UQCC1: variants seen among roughly 807,000 people sequenced by gnomAD.
UQCC1 encodes ubiquinol-cytochrome c reductase complex assembly factor 1.
Under a neutral mutation model 48.0 loss-of-function variants are expected in UQCC1, and 38 were observed. That is an observed-to-expected ratio of 0.79 (90% CI 0.61 to 1.04). The LOEUF is 1.04. Ranked by LOEUF, UQCC1 falls within the 50% of genes least tolerant of loss-of-function variation. UQCC1 has a pLI of 0.00. For synonymous variants in UQCC1, 111 were observed against 129.2 expected, an observed-to-expected ratio of 0.86 and a Z score of 0.95; for missense variants, 368 against 381.8, an observed-to-expected ratio of 0.96 and a Z score of 0.30.
chr20:35,317,372 TA>T (rs2146315453), intron 7 of UQCC1, among the ~76,000 whole-genome samples: 1 of 152,366 alleles, frequency 6.6e-6, no homozygotes, highest in South Asian at 2.1e-4. Context: ...TTATAAGTAA[TA>T]ACTTCTGGTT....
intron 7 of UQCC1, among the ~76,000 whole-genome samples, chr20:35,331,518 CA>C (rs1250173511): frequency 6.6e-6 from 1 of 152,060 alleles, no homozygotes; most frequent in Non-Finnish European, 1.5e-5. Flanking sequence ...GCAAAAACAC[CA>C]TTAATTTCTC....
Position 35,366,611 on chromosome 20 carries a change from C to T in UQCC1, c.410G>A (p.Cys137Tyr), listed in dbSNP as rs142809196. Reference protein sequence around the residue: ...KTDFEEFFLRCQMPDTFNSWF... With the variant: ...KTDFEEFFLRYQMPDTFNSWF... ...TGAATTGAATGTATCAGGCATCTGA[C>T]ACCCTAGAAAATAACAATAAGGTAT... The change falls in exon 6 of 10, where the codon TGT becomes TAT. Residue 137 changes from cysteine (C) to tyrosine (Y), a missense_variant. By Grantham distance (194) the Cys-to-Tyr change is radical. Transcript: ENST00000374385. 3.7e-6 allele frequency: 6 copies of T among 1,613,218 alleles called. No individual in the cohort carries two copies. The highest frequency in any genetic ancestry group is 5.1e-6 in the Non-Finnish European group (6 of 1,179,392).
intron 7 of UQCC1, chr20:35,345,681 C>A (rs1315096591): frequency 6.6e-6 from 1 of 152,110 alleles, no homozygotes; most frequent in African/African-American, 2.4e-5. Flanking sequence ...AAAAAGGTTA[C>A]TTCTGGGGAG....
At chr20:35,408,458 CA>C (rs1304272421) in intron 1 of UQCC1, among the ~76,000 whole-genome samples, 1 of 152,120 alleles carries the variant, frequency 6.6e-6, no homozygotes, top group Non-Finnish European at 1.5e-5. Context: ...CAGAAAATAA[CA>C]AGTGTTGGCA....
At chr20:35,381,488 A>G (rs1360453012) in intron 4 of UQCC1, among the ~76,000 whole-genome samples, 1 of 152,212 alleles carries the variant, frequency 6.6e-6, no homozygotes, top group African/African-American at 2.4e-5. Context: ...CATGTTGTAT[A>G]GATCTGACTG....
chr20:35,348,169 A>G (rs1024784758), intron 6 of UQCC1, among the ~76,000 whole-genome samples: 1 of 152,212 alleles, frequency 6.6e-6, no homozygotes, highest in Non-Finnish European at 1.5e-5. Flanking sequence ...AAATGAACAA[A>G]CACCTATGGT....
intron 1 of UQCC1, 44 bp downstream of exon 1, chr20:35,411,896 C>A (rs1283097487): frequency 1.9e-6 from 3 of 1,613,866 alleles, no homozygotes; most frequent in African/African-American, 2.7e-5. Context: ...GAACTCCAAC[C>A]CGGGACCCAG....
intron 6 of UQCC1, among the ~76,000 whole-genome samples, chr20:35,349,487 C>G (rs940036971): frequency 1.3e-5 from 2 of 152,124 alleles, no homozygotes; most frequent in Non-Finnish European, 2.9e-5. Flanking sequence ...ATTTTAGATA[C>G]AGTAATGCAA....
intron 8 of UQCC1, among the ~76,000 whole-genome samples, chr20:35,309,924 G>C (rs746573484): frequency 6.6e-6 from 1 of 152,216 alleles, no homozygotes; most frequent in Non-Finnish European, 1.5e-5. Context: ...CAGCAGCACA[G>C]AGTAAAATCC....
intron 8 of UQCC1, among the ~76,000 whole-genome samples, chr20:35,308,235 G>A (rs1229361359): frequency 6.6e-6 from 1 of 152,216 alleles, no homozygotes; most frequent in South Asian, 2.1e-4. Context: ...CCCTCCTTAC[G>A]GTTCCACAGC....
At chr20:35,399,338 C>A (rs1012111443) in intron 1 of UQCC1, among the ~76,000 whole-genome samples, 1 of 152,186 alleles carries the variant, frequency 6.6e-6, no homozygotes, top group Admixed American at 6.5e-5. Flanking sequence ...TTCCAAGGAC[C>A]TCTTTATTGA....
intron 1 of UQCC1, among the ~76,000 whole-genome samples, chr20:35,402,514 C>T (rs1292794306): frequency 1.3e-5 from 2 of 150,008 alleles, no homozygotes; most frequent in Non-Finnish European, 3.0e-5. Flanking sequence ...GGAGGCGGAG[C>T]TTGCAGTGAG....
intron 2 of UQCC1, among the ~76,000 whole-genome samples, chr20:35,391,064 C>T (rs538264631): frequency 4.4e-4 from 67 of 151,838 alleles, no homozygotes; most frequent in Non-Finnish European, 2.2e-4. Context: ...GGTGTGGTGG[C>T]GGGCACCTGC....
chr20:35,349,992 C>CAACAAACA (rs11474405), intron 6 of UQCC1, among the ~76,000 whole-genome samples: 2,775 of 150,198 alleles, frequency 0.018, 62 homozygotes, highest in African/African-American at 0.053. Context: ...GACCCTGTCT[C>CAACAAACA]AACAAACAAA....
intron 6 of UQCC1, among the ~76,000 whole-genome samples, chr20:35,355,678 T>C (rs964330796): frequency 6.6e-6 from 1 of 152,188 alleles, no homozygotes; most frequent in South Asian, 2.1e-4. Context: ...GTAATACATG[T>C]ACATAGTAAT....
At chr20:35,405,668 A>G (rs2146545349) in intron 1 of UQCC1, among the ~76,000 whole-genome samples, 1 of 152,306 alleles carries the variant, frequency 6.6e-6, no homozygotes, top group Admixed American at 6.5e-5. Flanking sequence ...CAGGGGGATC[A>G]CCTGAGGTCA....
At chr20:35,377,075 C>A (rs111776104) in intron 4 of UQCC1, among the ~76,000 whole-genome samples, 1,843 of 152,046 alleles carry the variant, frequency 0.012, 26 homozygotes, top group Middle Eastern at 0.021. Flanking sequence ...TCAATAAGGC[C>A]AACCTTATCC....
At position 35,394,142 on chromosome 20, in the gene UQCC1, C is replaced by T; in HGVS notation, c.79G>A (p.Val27Met). 1.2e-6 allele frequency: 2 copies of T among 1,614,074 alleles called. No individual in the cohort carries two copies. The change falls in exon 2 of 10, where the codon GTG becomes ATG. Residue 27 changes from valine to methionine, a missense_variant. Transcript: ENST00000374385. Reference protein sequence around the residue: ...WVPVCSRLIPVSPTQGQGDRA... With the variant: ...WVPVCSRLIPMSPTQGQGDRA... ...TCCCCCTGTCCTTGGGTAGGAGACA[C>T]AGGTATCAATCGGCTGCATACTGGA...
At chr20:35,391,576 T>C (rs185643775) in intron 2 of UQCC1, among the ~76,000 whole-genome samples, 1 of 151,298 alleles carries the variant, frequency 6.6e-6, no homozygotes, top group Admixed American at 6.6e-5. Context: ...GTGAGCAAGA[T>C]AGTGCCACTG....
Sources: gnomAD v4.1 joint callset for allele counts (sites outside exome capture counted in the v4.1 genomes callset) on GRCh38, gnomAD v4.1.1 for gene constraint, MANE v1.5 for transcripts, NCBI Gene and HGNC (gene_info 2026-07-23, HGNC 2026-07-21) for gene names.